The following SMYD4 variants were observed in gnomAD, a reference collection of about 807,000 sequenced individuals.
The protein encoded by SMYD4 is SET and MYND domain containing 4, also known as protein-lysine N-methyltransferase SMYD4.
A neutral mutation model predicts 72.8 loss-of-function variants in SMYD4; 68 were observed. The observed-to-expected ratio is 0.93, with a 90% CI of 0.77 to 1.14. The LOEUF is 1.14. Among genes scored for constraint, SMYD4 ranks in the 50% most tolerant of loss-of-function variants. The probability of loss-of-function intolerance (pLI) is 0.00; values close to 1 mark genes in which losing one functional copy is unlikely to be tolerated. For missense variants in SMYD4, 984 were observed against 1,003.7 expected, an observed-to-expected ratio of 0.98 and a Z score of 0.27; for synonymous variants, 407 against 388.6, an observed-to-expected ratio of 1.05 and a Z score of -0.56.
chr17:1,780,182 G>C lies in SMYD4; in HGVS notation c.*1104C>G, dbSNP rs1908292296. ...TCCTAGGCTTCGGACTGTTGGGAAA[G>C]TCTTATCTTCCTGACGAAAGCTCAG... On this transcript the variant is annotated 3_prime_UTR_variant, in exon 11 of 11. Coordinates refer to ENST00000305513, the MANE Select transcript of SMYD4 (RefSeq NM_052928.3). The C allele has an allele frequency of 1.3e-5, 2 of 152,234 alleles. No individual in the cohort carries two copies. Among genetic ancestry groups the C allele is most frequent in the South Asian group, 4.1e-4 (2 of 4,832 alleles). The allele number at this position is 152,234 out of a possible 1,614,324, so 9.4% of individuals were successfully genotyped here. A position where few individuals can be genotyped will look rare whatever the true frequency, so the allele number is the denominator to read the frequency against.
At chr17:1,795,451 CT>C (rs1909353870) in intron 5 of SMYD4, among the ~76,000 whole-genome samples, 1 of 148,626 alleles carries the variant, frequency 6.7e-6, no homozygotes, top group African/African-American at 2.5e-5. Flanking sequence ...ATCTAATCAT[CT>C]ATCTATCTAT....
At chr17:1,788,672 G>A (rs1908836911) in intron 5 of SMYD4, among the ~76,000 whole-genome samples, 2 of 151,848 alleles carry the variant, frequency 1.3e-5, no homozygotes, top group South Asian at 4.2e-4. Flanking sequence ...TTGAACCCCT[G>A]AGGACGTTGC....
At chr17:1,825,699 A>C (rs1164962475) in intron 2 of SMYD4, among the ~76,000 whole-genome samples, 1 of 151,742 alleles carries the variant, frequency 6.6e-6, no homozygotes, top group Non-Finnish European at 1.5e-5. Flanking sequence ...TTGTTTATAG[A>C]GATGGAATCT....
intron 8 of SMYD4, among the ~76,000 whole-genome samples, chr17:1,784,058 G>A (rs1482165344): frequency 6.6e-6 from 1 of 152,254 alleles, no homozygotes; most frequent in African/African-American, 2.4e-5. Flanking sequence ...TGTCAGCGAT[G>A]ACCCGTTAGT....
At chr17:1,824,943 A>C (rs1911090229) in intron 2 of SMYD4, among the ~76,000 whole-genome samples, 1 of 152,090 alleles carries the variant, frequency 6.6e-6, no homozygotes, top group Non-Finnish European at 1.5e-5. Flanking sequence ...TGATTTTATA[A>C]GGGGCTTTCC....
At chr17:1,792,758 T>G (rs1909127350) in intron 5 of SMYD4, among the ~76,000 whole-genome samples, 1 of 152,180 alleles carries the variant, frequency 6.6e-6, no homozygotes, top group Admixed American at 6.5e-5. Flanking sequence ...CACTATCTAC[T>G]TCGATACAGT....
chr17:1,801,373 G>A (rs183701087), intron 4 of SMYD4, among the ~76,000 whole-genome samples: 274 of 151,844 alleles, frequency 1.8e-3, no homozygotes, highest in African/African-American at 6.4e-3. Flanking sequence ...TGAGTAGCTG[G>A]GACTACAGGT....
At chr17:1,804,333 G>A in intron 4 of SMYD4, 1 of 298,890 alleles carries the variant, frequency 3.3e-6, no homozygotes, top group South Asian at 3.4e-5. Flanking sequence ...ACTACACCCG[G>A]CTAATTTTTA....
chr17:1,795,423 CT>C (rs1218552152), intron 5 of SMYD4, among the ~76,000 whole-genome samples: 10 of 54,720 alleles, frequency 1.8e-4, no homozygotes, highest in South Asian at 8.5e-4. Flanking sequence ...ATCTATCTAT[CT>C]ATCTATCTAT....
intron 7 of SMYD4, among the ~76,000 whole-genome samples, chr17:1,785,201 T>C (rs1456785669): frequency 6.9e-6 from 1 of 145,280 alleles, no homozygotes; most frequent in East Asian, 2.1e-4. Context: ...GGCGGGTGGA[T>C]CCATGAGGTC....
chr17:1,821,039 G>C (rs944062857), intron 2 of SMYD4, among the ~76,000 whole-genome samples: 1 of 152,126 alleles, frequency 6.6e-6, no homozygotes, highest in Non-Finnish European at 1.5e-5. Context: ...CAAAAATGGA[G>C]GTGATTTATT....
chr17:1,827,840 G>A (rs1376658706), intron 2 of SMYD4, 21 bp downstream of exon 2: 1 of 1,587,420 alleles, frequency 6.3e-7, no homozygotes, highest in African/African-American at 1.3e-5. Flanking sequence ...CAATTCCCTT[G>A]TTAAAGCTTG....
In SMYD4 at chr17:1,800,986, C is replaced by T. The variant is rs1434117219; in HGVS notation, c.408G>A (p.Gly136=). The change falls in exon 5 of 11, where the codon GGG becomes GGA. Residue 136 remains glycine, a synonymous_variant. Coordinates refer to ENST00000305513, the MANE Select transcript of SMYD4 (RefSeq NM_052928.3). ...LKDINRAQTH[G]YPERLQPKIM... is the part of the protein sequence containing the mutation. ...TCTTGGGTTGCAACCTTTCTGGATA[C>T]CCATGTGTCTGTGCTCTGTTAATGT... 2 of 1,613,724 alleles carry T rather than the reference C, an allele frequency of 1.2e-6. No homozygotes were observed. The highest frequency in any genetic ancestry group is 2.2e-5 in the East Asian group (1 of 44,860).
At chr17:1,828,032 A>T in intron 1 of SMYD4, 26 bp from the exon 2 acceptor site, 1 of 1,585,506 alleles carries the variant, frequency 6.3e-7, no homozygotes, top group Non-Finnish European at 8.6e-7. Flanking sequence ...GAAAATAGGA[A>T]TCTTACAAAT....
At chr17:1,810,761 A>G (rs1157746896) in intron 3 of SMYD4, among the ~76,000 whole-genome samples, 1 of 152,224 alleles carries the variant, frequency 6.6e-6, no homozygotes, top group Admixed American at 6.5e-5. Context: ...AGGCAGACAC[A>G]TAAGCAGCTG....
intron 5 of SMYD4, among the ~76,000 whole-genome samples, chr17:1,792,778 C>T (rs1031888773): frequency 1.3e-5 from 2 of 152,112 alleles, no homozygotes; most frequent in African/African-American, 2.4e-5. Flanking sequence ...TGCTTGCTCA[C>T]GTGTGCTTTC....
intron 4 of SMYD4, among the ~76,000 whole-genome samples, chr17:1,801,625 G>T (rs1210673358): frequency 3.3e-5 from 3 of 89,970 alleles, no homozygotes; most frequent in East Asian, 3.4e-4. Context: ...GGCAGGCTTT[G>T]AAAAAAAAAA....
intron 3 of SMYD4, among the ~76,000 whole-genome samples, chr17:1,805,050 A>T (rs1909963942): frequency 6.6e-6 from 1 of 152,214 alleles, no homozygotes; most frequent in African/African-American, 2.4e-5. Context: ...ACAAAAGAAG[A>T]AACACAAATA....
At chr17:1,820,380 C>G (rs201922625) in intron 2 of SMYD4, among the ~76,000 whole-genome samples, 1 of 152,034 alleles carries the variant, frequency 6.6e-6, no homozygotes, top group Non-Finnish European at 1.5e-5. Flanking sequence ...GCTATGGCTA[C>G]AGGCATGTGA....
Sources: gnomAD v4.1 joint callset for allele counts (sites outside exome capture counted in the v4.1 genomes callset) on GRCh38, gnomAD v4.1.1 for gene constraint, MANE v1.5 for transcripts, NCBI Gene and HGNC (gene_info 2026-07-23, HGNC 2026-07-21) for gene names.